TMEM71: variants seen among roughly 807,000 people sequenced by gnomAD.
TMEM71 encodes transmembrane protein 71.
A neutral mutation model predicts 38.0 loss-of-function variants in TMEM71; 44 were observed. The observed-to-expected ratio is 1.16, with a 90% CI of 0.91 to 1.49. TMEM71 has a LOEUF of 1.49. TMEM71 is among the 40% of genes most tolerant of loss of function. The pLI, the probability that TMEM71 is intolerant of heterozygous loss-of-function variation, is 0.00. For synonymous variants in TMEM71, 133 were observed against 122.5 expected (o/e 1.09, Z -0.56); for missense variants, 367 against 348.6 (o/e 1.05, Z -0.42).
intron 9 of TMEM71, among the ~76,000 whole-genome samples, chr8:132,713,603 G>C (rs1826352038): frequency 6.6e-6 from 1 of 152,140 alleles, no homozygotes; most frequent in South Asian, 2.1e-4. Flanking sequence ...AAATGAATAA[G>C]AGAAGGCACA....
chr8:132,742,585 A>G (rs1828104065), intron 5 of TMEM71, among the ~76,000 whole-genome samples: 1 of 152,238 alleles, frequency 6.6e-6, no homozygotes, highest in African/African-American at 2.4e-5. Flanking sequence ...TAAACCAGGA[A>G]TTTCTCAAGG....
intron 4 of TMEM71, among the ~76,000 whole-genome samples, chr8:132,751,424 G>C (rs1267097059): frequency 6.6e-6 from 1 of 152,198 alleles, no homozygotes; most frequent in Non-Finnish European, 1.5e-5. Flanking sequence ...AAGTAAAATG[G>C]ATCTCCTTTC....
Position 132,711,485 on chromosome 8 carries a change from A to G in TMEM71, c.873-503T>C, listed in dbSNP as rs114628319. 7.5e-3 allele frequency among the ~76,000 whole-genome samples: 1,146 copies of G among 152,266 alleles called. 19 individuals carry two copies. The highest frequency in any genetic ancestry group is 0.026 in the African/African-American group (1,072 of 41,554). Reference sequence around the variant, plus strand: ...GATTTTCCCCATATTTTTATTCCCTAAAGTTTATTCACTCATTCATTAAGT... The same window carrying G: ...GATTTTCCCCATATTTTTATTCCCTGAAGTTTATTCACTCATTCATTAAGT... On this transcript the variant is annotated intron_variant, in intron 9 of 9. Coordinates refer to ENST00000677595, the MANE Select transcript of TMEM71 (RefSeq NM_001382403.1).
In TMEM71 at chr8:132,751,816, T is replaced by C. The variant is rs1828727049; in HGVS notation, c.283A>G (p.Thr95Ala). 1.9e-6 allele frequency: 3 copies of C among 1,613,690 alleles called. No individual in the cohort carries two copies. The highest frequency in any genetic ancestry group is 1.1e-5 in the South Asian group (1 of 91,070). Residue 95 changes from threonine (T) to alanine (A), a missense_variant, in exon 4 of 10, where the codon ACC (threonine) becomes GCC (alanine). Transcript: ENST00000677595. ...AAGTTCTCCTTATACATAACGCTGG[T>C]CTGGGATGGGTTCAGAGTTATGTTG... ...DGNITLNPSQTSVMYKENLVR... is the reference protein window; with the variant it reads ...DGNITLNPSQASVMYKENLVR...
At chr8:132,741,290 G>T (rs2131126857) in intron 5 of TMEM71, among the ~76,000 whole-genome samples, 1 of 152,344 alleles carries the variant, frequency 6.6e-6, no homozygotes, top group Non-Finnish European at 1.5e-5. Context: ...TTGAACCAGG[G>T]AGACGGAGGT....
At chr8:132,728,564 A>G (rs1467660346) in intron 5 of TMEM71, among the ~76,000 whole-genome samples, 1 of 152,252 alleles carries the variant, frequency 6.6e-6, no homozygotes, top group East Asian at 1.9e-4. Context: ...ATTTGTCTTC[A>G]TACTTGAAGG....
At chr8:132,766,404 G>C in the TMEM71 span, among the ~76,000 whole-genome samples, 1 of 151,510 alleles carries the variant, frequency 6.6e-6, no homozygotes, top group Non-Finnish European at 1.5e-5. Flanking sequence ...AAGTACATGG[G>C]GGGCGGGGGG....
At chr8:132,714,360 G>C in intron 7 of TMEM71, 145 bp from the exon 8 acceptor site, 1 of 672,998 alleles carries the variant, frequency 1.5e-6, no homozygotes, top group South Asian at 1.8e-5. Flanking sequence ...AAAATGGACA[G>C]ACATACAGAT....
intron 4 of TMEM71, among the ~76,000 whole-genome samples, chr8:132,747,678 C>T (rs1828468558): frequency 6.6e-6 from 1 of 152,102 alleles, no homozygotes; most frequent in African/African-American, 2.4e-5. Context: ...CCAGGAGTGG[C>T]AGTGCTAATT....
chr8:132,710,858 C>A lies in TMEM71; in HGVS notation c.*109G>T. The stretch of plus-strand genomic sequence containing the variant: ...AACTAAAATGGCTTTTTCTCCATTA[C>A]TCGCTTACTCCCTTCCAATAAAACA... On this transcript the variant is annotated 3_prime_UTR_variant, in exon 10 of 10. Coordinates refer to ENST00000677595, the MANE Select transcript of TMEM71 (RefSeq NM_001382403.1). The A allele has an allele frequency of 9.9e-7, 1 of 1,008,668 alleles. No homozygotes were observed. The highest frequency in any genetic ancestry group is 1.7e-5 in the African/African-American group (1 of 59,864). The allele number at this position is 1,008,668 out of a possible 1,614,324, so 62.5% of individuals were successfully genotyped here.
chr8:132,739,625 T>C (rs181566444), intron 5 of TMEM71, among the ~76,000 whole-genome samples: 1 of 152,246 alleles, frequency 6.6e-6, no homozygotes, highest in East Asian at 1.9e-4. Context: ...CTCTGCTGTT[T>C]ATAAGCTAAA....
chr8:132,749,238 C>T (rs1051816713), intron 4 of TMEM71, among the ~76,000 whole-genome samples: 2 of 152,140 alleles, frequency 1.3e-5, no homozygotes, highest in African/African-American at 2.4e-5. Flanking sequence ...GCATCAGAAT[C>T]AACCATGGCT....
chr8:132,734,502 G>A (rs1408608903), intron 5 of TMEM71, among the ~76,000 whole-genome samples: 1 of 152,106 alleles, frequency 6.6e-6, no homozygotes, highest in African/African-American at 2.4e-5. Flanking sequence ...AAGATGTGCT[G>A]TTTCCCAGGG....
chr8:132,755,559 T>A (rs1828957061), intron 3 of TMEM71, among the ~76,000 whole-genome samples: 1 of 152,160 alleles, frequency 6.6e-6, no homozygotes, highest in African/African-American at 2.4e-5. Flanking sequence ...CCTCCTAGGA[T>A]AGGACAAAGA....
chr8:132,773,137 C>A, the TMEM71 span, among the ~76,000 whole-genome samples: 2,359 of 152,252 alleles, frequency 0.015, 62 homozygotes, highest in African/African-American at 0.055. Context: ...TGACCTGGGG[C>A]AATTCTTCAA....
chr8:132,707,574 T>C (rs554020649), downstream of TMEM71, among the ~76,000 whole-genome samples: 1 of 152,228 alleles, frequency 6.6e-6, no homozygotes, highest in African/African-American at 2.4e-5. Flanking sequence ...GTTTGGCCCC[T>C]TTCCTCCCTT....
chr8:132,714,343 G>A lies in TMEM71; in HGVS notation c.753-128C>T, dbSNP rs1183997577. ...TGAAACTACAGTAATAAAGACAGTG[G>A]TATTGGAAAATGGACAGACATACAG... On this transcript the variant is annotated intron_variant, in intron 7 of 9. Transcript: ENST00000677595. 8.2e-6 allele frequency: 6 copies of A among 735,890 alleles called. No individual in the cohort carries two copies. In the Admixed American group the frequency reaches 1.3e-4, roughly 16 times the overall value. 45.6% of individuals were successfully genotyped at this position (735,890 alleles called of 1,614,324 possible).
At chr8:132,764,985 A>G (rs1829345329), upstream of TMEM71, among the ~76,000 whole-genome samples, 1 of 152,230 alleles carries the variant, frequency 6.6e-6, no homozygotes, top group African/African-American at 2.4e-5. Flanking sequence ...AGAAGGAGAT[A>G]TATGGGCCAA....
chr8:132,707,167 C>G (rs2130980984), downstream of TMEM71, among the ~76,000 whole-genome samples: 1 of 152,164 alleles, frequency 6.6e-6, no homozygotes, highest in South Asian at 2.1e-4. Context: ...GCATATTAAA[C>G]AAACAAATAA....
Sources: gnomAD v4.1 joint callset for allele counts (sites outside exome capture counted in the v4.1 genomes callset) on GRCh38, gnomAD v4.1.1 for gene constraint, MANE v1.5 for transcripts, NCBI Gene and HGNC (gene_info 2026-07-23, HGNC 2026-07-21) for gene names.